SUFU: variants seen among roughly 807,000 people sequenced by gnomAD.
The protein encoded by SUFU is suppressor of fused homolog.
In SUFU, 7 loss-of-function variants were observed where a neutral mutation model predicts 58.9. The ratio of observed to expected loss-of-function variants is 0.12; its 90% CI spans 0.07 to 0.22. The LOEUF is 0.22. Ranked by LOEUF, SUFU falls within the 10% of genes least tolerant of loss-of-function variation. The probability of loss-of-function intolerance (pLI) is 1.00; values close to 1 mark genes in which losing one functional copy is unlikely to be tolerated. For missense variants in SUFU, 451 were observed against 641.3 expected (o/e 0.70, Z 3.20); for synonymous variants, 232 against 254.8 (o/e 0.91, Z 0.85).
intron 3 of SUFU, among the ~76,000 whole-genome samples, chr10:102,586,951 T>C (rs1386417609): frequency 6.6e-6 from 1 of 152,262 alleles, no homozygotes; most frequent in African/African-American, 2.4e-5. Context: ...AGTGAAATCA[T>C]GCAGTATTTG....
At chr10:102,603,630 A>C (rs911115902) in intron 8 of SUFU, among the ~76,000 whole-genome samples, 1 of 152,104 alleles carries the variant, frequency 6.6e-6, no homozygotes, top group Admixed American at 6.6e-5. Flanking sequence ...ACCTTTAAAA[A>C]ATTTTTTTTG....
intron 3 of SUFU, among the ~76,000 whole-genome samples, chr10:102,592,334 G>A (rs1000067563): frequency 2.0e-5 from 3 of 150,180 alleles, no homozygotes; most frequent in Non-Finnish European, 4.4e-5. Flanking sequence ...TTCCCAGGCC[G>A]AAGGAGCTTT....
chr10:102,547,407 G>A (rs2062865638), intron 2 of SUFU, among the ~76,000 whole-genome samples: 2 of 152,210 alleles, frequency 1.3e-5, no homozygotes, highest in South Asian at 4.1e-4. Flanking sequence ...CTTACAATGT[G>A]TTGTCCAAGC....
chr10:102,520,738 A>C (rs2062541782), intron 2 of SUFU, among the ~76,000 whole-genome samples: 1 of 152,220 alleles, frequency 6.6e-6, no homozygotes, highest in Non-Finnish European at 1.5e-5. Flanking sequence ...ACTTTTGCAG[A>C]CTAGCTTCTT....
At chr10:102,570,072 A>G (rs1049401299) in intron 3 of SUFU, among the ~76,000 whole-genome samples, 4 of 152,100 alleles carry the variant, frequency 2.6e-5, no homozygotes, top group Non-Finnish European at 5.9e-5. Context: ...GATGTAGAAG[A>G]ATTTCCAAAT....
intron 2 of SUFU, among the ~76,000 whole-genome samples, chr10:102,539,022 A>T (rs746091365): frequency 2.0e-5 from 3 of 152,226 alleles, no homozygotes; most frequent in Admixed American, 6.5e-5. Context: ...CGGGTCAGAC[A>T]GTGGACACTT....
chr10:102,508,282 ATTT>A (rs557123923), intron 1 of SUFU, among the ~76,000 whole-genome samples: 1 of 151,852 alleles, frequency 6.6e-6, no homozygotes, highest in Non-Finnish European at 1.5e-5. Flanking sequence ...CCAAAACAGG[ATTT>A]TTTTTAAAAA....
At chr10:102,620,470 G>T (rs1432787423) in intron 10 of SUFU, among the ~76,000 whole-genome samples, 1 of 152,222 alleles carries the variant, frequency 6.6e-6, no homozygotes, top group African/African-American at 2.4e-5. Flanking sequence ...AGCAGGGCTT[G>T]TCTGCAGCAC....
In SUFU at chr10:102,632,307, T is replaced by G. The variant is rs1331056191; in HGVS notation, c.*2152T>G. 2 of 233,054 alleles carry G rather than the reference T, an allele frequency of 8.6e-6. No individual in the cohort carries two copies. Among genetic ancestry groups the G allele is most frequent in the Non-Finnish European group, 1.7e-5 (2 of 118,094 alleles). The allele number at this position is 233,054 out of a possible 1,614,324, so 14.4% of individuals were successfully genotyped here. A position where few individuals can be genotyped will look rare whatever the true frequency, so the allele number is the denominator to read the frequency against. ...GTGGCCCTGTTCTGGGGGAGCAGGGTAAGGCAGGAGGAAGTGGGTGAGCTC... is the reference window on the plus strand; with the variant it reads ...GTGGCCCTGTTCTGGGGGAGCAGGGGAAGGCAGGAGGAAGTGGGTGAGCTC... On this transcript the variant is annotated 3_prime_UTR_variant, in exon 12 of 12. Transcript: ENST00000369902.
Position 102,525,252 on chromosome 10 carries a change from A to C in SUFU, c.317+15949A>C, listed in dbSNP as rs575823650. ...CAGCCTCCCAAGTAGCTGGGATTAC[A>C]GGGCACGCTACCACGCCTGGCTAAT... On this transcript the variant is annotated intron_variant, in intron 2 of 11. Coordinates refer to ENST00000369902, the MANE Select transcript of SUFU (RefSeq NM_016169.4). 5.3e-5 allele frequency among the ~76,000 whole-genome samples: 8 copies of C among 152,198 alleles called. 1 individual carries two copies. The highest frequency in any genetic ancestry group is 1.9e-4 in the African/African-American group (8 of 41,524).
intron 3 of SUFU, among the ~76,000 whole-genome samples, chr10:102,588,941 G>T (rs2063364897): frequency 6.6e-6 from 1 of 151,022 alleles, no homozygotes; most frequent in South Asian, 2.1e-4. Context: ...TTATTTTTTT[G>T]AGACACAGTC....
intron 3 of SUFU, among the ~76,000 whole-genome samples, chr10:102,574,673 T>C (rs2063195531): frequency 6.6e-6 from 1 of 152,186 alleles, no homozygotes; most frequent in Non-Finnish European, 1.5e-5. Flanking sequence ...AAAAATGTTA[T>C]ATTCTTAAAT....
At position 102,601,039 on chromosome 10, in the gene SUFU, C is replaced by T. The variant is rs570475942; in HGVS notation, c.1022+1495C>T. 7.9e-5 allele frequency among the ~76,000 whole-genome samples: 12 copies of T among 152,358 alleles called. No individual in the cohort carries two copies. In the South Asian group the frequency reaches 2.5e-3, roughly 32 times the overall value. Reference sequence around the variant, plus strand: ...CCTTCCCATTCCCTGAGCTTGGCTTCTCGCTTTGGGCCTCCTTGGCACTGT... The same window carrying T: ...CCTTCCCATTCCCTGAGCTTGGCTTTTCGCTTTGGGCCTCCTTGGCACTGT... On this transcript the variant is annotated intron_variant, in intron 8 of 11. Coordinates refer to ENST00000369902, the MANE Select transcript of SUFU (RefSeq NM_016169.4).
chr10:102,592,689 G>A lies in SUFU; in HGVS notation c.562G>A (p.Val188Met), dbSNP rs1462013962. 1.1e-5 allele frequency: 17 copies of A among 1,614,098 alleles called. No homozygotes were observed. Among genetic ancestry groups the A allele is most frequent in the South Asian group, 5.5e-5 (5 of 91,088 alleles). Residue 188 changes from valine (V) to methionine (M), a missense_variant, in exon 4 of 12, where the codon GTG becomes ATG. Coordinates refer to ENST00000369902, the MANE Select transcript of SUFU (RefSeq NM_016169.4). ...GACAGAGGACCCACAGATGCAGCCCGTGCAGACACCCTTTGGGGTAGTTAC... is the reference window on the plus strand; with the variant it reads ...GACAGAGGACCCACAGATGCAGCCCATGCAGACACCCTTTGGGGTAGTTAC... The part of the protein sequence containing the change: ...LLTEDPQMQP[V>M]QTPFGVVTFL...
intron 2 of SUFU, among the ~76,000 whole-genome samples, chr10:102,542,622 T>G (rs890940758): frequency 5.8e-4 from 54 of 93,660 alleles, no homozygotes; most frequent in Non-Finnish European, 9.6e-4. Context: ...AATATCCTTT[T>G]GCTCTTTTTT....
chr10:102,542,140 T>G (rs889545113), intron 2 of SUFU, among the ~76,000 whole-genome samples: 9 of 69,384 alleles, frequency 1.3e-4, no homozygotes, highest in Non-Finnish European at 3.1e-4. Flanking sequence ...CACCTTGGCG[T>G]TTTTTTTTTT....
chr10:102,617,386 C>T lies in SUFU; in HGVS notation c.1254C>T (p.Ala418=), dbSNP rs1554854775. 1 of 1,614,244 alleles carries T rather than the reference C, an allele frequency of 6.2e-7. No individual in the cohort carries two copies. ...CCACGGGAGTGGAAGGCGCCTTTGC[C>T]ACTGAGGAGCATCCTTACGCGGCTC... ...FVSTGVEGAF[A]TEEHPYAAHG... is the part of the protein sequence containing the mutation. The change falls in exon 10 of 12, where the codon GCC becomes GCT. Residue 418 remains alanine, a synonymous_variant. Coordinates refer to ENST00000369902, the MANE Select transcript of SUFU (RefSeq NM_016169.4). The surrounding 1 kb of genome is among the most constrained non-coding windows in gnomAD (Gnocchi z 4.4).
chr10:102,590,141 C>CTTTTTTTTTTCTTTTT (rs2063380533), intron 3 of SUFU, among the ~76,000 whole-genome samples: 1 of 76,204 alleles, frequency 1.3e-5, no homozygotes, highest in Non-Finnish European at 2.8e-5. Context: ...CCGACTTTTT[C>CTTTTTTTTTTCTTTTT]TTTTTTTTTT....
At chr10:102,560,840 C>CT (rs928128869) in intron 3 of SUFU, among the ~76,000 whole-genome samples, 105 of 146,936 alleles carry the variant, frequency 7.1e-4, no homozygotes, top group Middle Eastern at 7.1e-3. Flanking sequence ...CGAAGTATTT[C>CT]TTTTTTTTTT....
Sources: gnomAD v4.1 joint callset for allele counts (sites outside exome capture counted in the v4.1 genomes callset) on GRCh38, gnomAD v4.1.1 for gene constraint, Gnocchi (gnomAD v3.1) non-coding constraint, MANE v1.5 for transcripts, NCBI Gene and HGNC (gene_info 2026-07-23, HGNC 2026-07-21) for gene names.